The following TAS1R1 variants were observed in gnomAD, a reference collection of about 807,000 sequenced individuals.
TAS1R1 encodes the protein taste receptor type 1 member 1.
Under a neutral mutation model 45.8 loss-of-function variants are expected in TAS1R1, and 31 were observed. The observed-to-expected ratio is 0.68, with a 90% CI of 0.51 to 0.91. The LOEUF is 0.91. Ranked by LOEUF, TAS1R1 falls within the 40% of genes least tolerant of loss-of-function variation. TAS1R1 has a pLI of 0.00. For synonymous variants in TAS1R1, 437 were observed against 448.4 expected (o/e 0.97, Z 0.32); for missense variants, 1,051 against 1,063.9 (o/e 0.99, Z 0.17).
intron 1 of TAS1R1, among the ~76,000 whole-genome samples, chr1:6,563,920 G>C (rs569058856): frequency 6.6e-6 from 1 of 152,264 alleles, no homozygotes; most frequent in South Asian, 2.1e-4. Context: ...AGAGGATGAA[G>C]AGGGTGAAGT....
rs1303560598 is a variant in TAS1R1, at chr1:6,574,490, C to T, written c.499-141C>T. ...CCAGAACCTGCCCCAGTGGAGCCTTCGCAGGTGATTTGTCAGTTTCACAGG... is the reference window on the plus strand; with the variant it reads ...CCAGAACCTGCCCCAGTGGAGCCTTTGCAGGTGATTTGTCAGTTTCACAGG... On this transcript the variant is annotated intron_variant, in intron 2 of 5. Coordinates refer to ENST00000333172, the MANE Select transcript of TAS1R1 (RefSeq NM_138697.4). This position sits in a 1 kb window ranked among gnomAD's most constrained non-coding sequence, Gnocchi z 4.3. 20 of 1,092,844 alleles carry T rather than the reference C, an allele frequency of 1.8e-5. No homozygotes were observed. Among genetic ancestry groups the T allele is most frequent in the African/African-American group, 3.2e-5 (2 of 63,214 alleles). 67.7% of individuals were successfully genotyped at this position (1,092,844 alleles called of 1,614,324 possible). A position where few individuals can be genotyped will look rare whatever the true frequency, so the allele number is the denominator to read the frequency against.
At position 6,575,405 on chromosome 1, in the gene TAS1R1, A is replaced by T. The variant is rs1381569422; in HGVS notation, c.1260+13A>T. 2.8e-5 allele frequency: 43 copies of T among 1,534,340 alleles called. No homozygotes were observed. The highest frequency in any genetic ancestry group is 3.6e-5 in the Non-Finnish European group (41 of 1,144,238). ...CTACCCCTGGCAGGTAAGAGAGCCC[A>T]CCCCAGCACCTCCTGTCAGGGAGAA... On this transcript the variant is annotated intron_variant, in intron 3 of 5. Transcript: ENST00000333172.
At chr1:6,567,821 A>G (rs1035853923) in intron 1 of TAS1R1, among the ~76,000 whole-genome samples, 2 of 152,252 alleles carry the variant, frequency 1.3e-5, no homozygotes, top group South Asian at 2.1e-4. Flanking sequence ...GTCTGCTGGC[A>G]GACTGGGCAA....
At chr1:6,567,633 T>C (rs1639899148) in intron 1 of TAS1R1, among the ~76,000 whole-genome samples, 1 of 151,660 alleles carries the variant, frequency 6.6e-6, no homozygotes, top group African/African-American at 2.4e-5. Context: ...GCTGCATTGA[T>C]GGCAGTTTGG....
intron 5 of TAS1R1, among the ~76,000 whole-genome samples, chr1:6,577,794 C>T (rs1300607549): frequency 6.6e-6 from 1 of 152,106 alleles, no homozygotes; most frequent in Non-Finnish European, 1.5e-5. Context: ...CACCATTGCA[C>T]TCCAGCCTGG....
chr1:6,557,030 G>T (rs1486219134), intron 1 of TAS1R1, among the ~76,000 whole-genome samples: 5 of 120,706 alleles, frequency 4.1e-5, no homozygotes, highest in African/African-American at 1.6e-4. Flanking sequence ...AAAAAAAAAA[G>T]ACGAAGACAG....
chr1:6,571,779 C>T (rs896471700), intron 2 of TAS1R1, among the ~76,000 whole-genome samples: 1 of 152,092 alleles, frequency 6.6e-6, no homozygotes, highest in African/African-American at 2.4e-5. Context: ...GAGATTGCAC[C>T]ACTGCATTCC....
At position 6,574,639 on chromosome 1, in the gene TAS1R1, T is replaced by C. The variant is rs757329652; in HGVS notation, c.507T>C (p.Tyr169=). ...LSPFLVPMIS[Y]AASSETLSVK... ...AACGGGACCTCCCATAGATTAGCTA[T>C]GCGGCCAGCAGCGAGACGCTCAGCG... Residue 169 remains tyrosine (Y), a synonymous_variant, in exon 3 of 6, where the codon TAT becomes TAC. Transcript: ENST00000333172. This position sits in a 1 kb window ranked among gnomAD's most constrained non-coding sequence, Gnocchi z 4.3. 8 of 1,601,700 alleles carry C rather than the reference T, an allele frequency of 5.0e-6. No homozygotes were observed. In the South Asian group the frequency reaches 9.0e-5, roughly 18 times the overall value.
At chr1:6,555,700 T>A in intron 1 of TAS1R1, 136 bp downstream of exon 1, 1 of 800,160 alleles carries the variant, frequency 1.2e-6, no homozygotes, top group Non-Finnish European at 1.9e-6. Context: ...ATCAATCCAC[T>A]TGCCACCTAA....
intron 1 of TAS1R1, among the ~76,000 whole-genome samples, chr1:6,563,812 A>C (rs1483563187): frequency 6.6e-6 from 1 of 152,140 alleles, no homozygotes; most frequent in African/African-American, 2.4e-5. Flanking sequence ...GGGAAAAGTC[A>C]CACAGGGTGC....
Position 6,575,400 on chromosome 1 carries a change from A to G in TAS1R1, c.1260+8A>G, listed in dbSNP as rs750229420. On this transcript the variant is annotated splice_region_variant and intron_variant, in intron 3 of 5. Coordinates refer to ENST00000333172, the MANE Select transcript of TAS1R1 (RefSeq NM_138697.4). ...CGAGTCTACCCCTGGCAGGTAAGAG[A>G]GCCCACCCCAGCACCTCCTGTCAGG... 6.5e-7 allele frequency: 1 copy of G among 1,544,236 alleles called. No homozygotes were observed. Among genetic ancestry groups the G allele is most frequent in the Non-Finnish European group, 8.7e-7 (1 of 1,148,216 alleles).
At position 6,576,641 on chromosome 1, in the gene TAS1R1, G is replaced by A. The variant is rs374192199; in HGVS notation, c.1473+14G>A. The A allele has an allele frequency of 1.4e-5, 22 of 1,610,506 alleles. No homozygotes were observed. The African/African-American group carries it at 2.7e-4, about 20-fold the overall frequency. ...AAGGACAACCAGGTAATGGGGATGTGGCTACTCACCATGTAACTGGCTTAT... is the reference window on the plus strand; with the variant it reads ...AAGGACAACCAGGTAATGGGGATGTAGCTACTCACCATGTAACTGGCTTAT... On this transcript the variant is annotated intron_variant, in intron 4 of 5. Coordinates refer to ENST00000333172, the MANE Select transcript of TAS1R1 (RefSeq NM_138697.4).
chr1:6,558,043 T>G (rs868133433), intron 1 of TAS1R1, among the ~76,000 whole-genome samples: 2 of 42,784 alleles, frequency 4.7e-5, no homozygotes, highest in African/African-American at 1.1e-4. Flanking sequence ...TTAGTTTTTG[T>G]TTTTGTTTTT....
At chr1:6,562,747 G>A (rs1182446025) in intron 1 of TAS1R1, among the ~76,000 whole-genome samples, 1 of 152,184 alleles carries the variant, frequency 6.6e-6, no homozygotes, top group Non-Finnish European at 1.5e-5. Context: ...GAAGACTAGG[G>A]TGCAGGTGCC....
intron 1 of TAS1R1, among the ~76,000 whole-genome samples, chr1:6,559,694 G>A (rs1316181950): frequency 2.7e-5 from 4 of 150,480 alleles, no homozygotes; most frequent in Non-Finnish European, 5.9e-5. Flanking sequence ...TTGGCCGGGC[G>A]AGGTGGTTCA....
Position 6,579,606 on chromosome 1 carries a change from C to T in TAS1R1, c.*22C>T. On this transcript the variant is annotated 3_prime_UTR_variant, in exon 6 of 6. Transcript: ENST00000333172. ...CTGACCAGTGGGTCAGCAGGCACGG[C>T]TGGCAGCCTTCTCTGCCCTGAGGGT... 5 of 1,583,772 alleles carry T rather than the reference C, an allele frequency of 3.2e-6. No homozygotes were observed. The highest frequency in any genetic ancestry group is 4.3e-6 in the Non-Finnish European group (5 of 1,168,518).
intron 1 of TAS1R1, among the ~76,000 whole-genome samples, chr1:6,559,818 C>T (rs111700817): frequency 0.022 from 3,356 of 151,668 alleles, 120 homozygotes; most frequent in African/African-American, 0.075. Flanking sequence ...TGTGAAACCC[C>T]GTCTCTACTA....
intron 1 of TAS1R1, among the ~76,000 whole-genome samples, chr1:6,569,120 A>G (rs1570117396): frequency 8.9e-6 from 1 of 112,936 alleles, no homozygotes; most frequent in African/African-American, 3.5e-5. Flanking sequence ...AGAGAGGGGG[A>G]GAAGGGGGCA....
intron 5 of TAS1R1, 55 bp from the exon 6 acceptor site, chr1:6,578,598 C>T (rs967248424): frequency 2.2e-5 from 34 of 1,516,020 alleles, no homozygotes; most frequent in Non-Finnish European, 3.0e-5. Context: ...CCCCTATTTC[C>T]TATTCCTACT....
Sources: allele counts gnomAD v4.1 joint callset (sites outside exome capture counted in the v4.1 genomes callset), GRCh38; gene constraint gnomAD v4.1.1; non-coding constraint Gnocchi (gnomAD v3.1); transcripts MANE v1.5; gene names NCBI Gene and HGNC (gene_info 2026-07-23, HGNC 2026-07-21).